STXBP3: variants seen among roughly 807,000 people sequenced by gnomAD.
STXBP3 encodes the protein syntaxin binding protein 3.
STXBP3 carries 41 observed loss-of-function variants against 85.7 expected under a neutral mutation model. That is an observed-to-expected ratio of 0.48 (90% CI 0.37 to 0.62). The LOEUF is 0.62. Ranked by LOEUF, STXBP3 falls within the 20% of genes least tolerant of loss-of-function variation. STXBP3 has a pLI of 0.00. For synonymous variants in STXBP3, 229 were observed against 231.7 expected, an observed-to-expected ratio of 0.99 and a Z score of 0.10; for missense variants, 563 against 703.1, an observed-to-expected ratio of 0.80 and a Z score of 2.25.
intron 13 of STXBP3, among the ~76,000 whole-genome samples, chr1:108,795,389 G>T (rs979946995): frequency 1.3e-5 from 2 of 151,958 alleles, no homozygotes; most frequent in Admixed American, 6.6e-5. Context: ...TAAGTTGGGT[G>T]CAGTGGTGTG....
At chr1:108,758,413 T>A in intron 4 of STXBP3, 97 bp from the exon 5 acceptor site, 1 of 599,702 alleles carries the variant, frequency 1.7e-6, no homozygotes, top group Non-Finnish European at 2.6e-6. Flanking sequence ...AAAGTTTTAT[T>A]TTGTCACTGA....
intron 6 of STXBP3, among the ~76,000 whole-genome samples, chr1:108,765,722 C>G (rs770323990): frequency 2.6e-5 from 4 of 151,776 alleles, no homozygotes; most frequent in Non-Finnish European, 5.9e-5. Flanking sequence ...AGACACGTAC[C>G]CCCACGCGGG....
At chr1:108,799,173 A>T (rs565338611) in intron 16 of STXBP3, among the ~76,000 whole-genome samples, 1 of 152,316 alleles carries the variant, frequency 6.6e-6, no homozygotes, top group South Asian at 2.1e-4. Context: ...GGTACAGTGC[A>T]TAACTATGAT....
chr1:108,783,365 T>C (rs1192157737), intron 11 of STXBP3, among the ~76,000 whole-genome samples: 1 of 152,176 alleles, frequency 6.6e-6, no homozygotes, highest in African/African-American at 2.4e-5. Context: ...TCCAGAATAT[T>C]CCCTCTTGTC....
intron 6 of STXBP3, among the ~76,000 whole-genome samples, chr1:108,762,191 A>T (rs1268246392): frequency 6.6e-6 from 1 of 152,218 alleles, no homozygotes; most frequent in Non-Finnish European, 1.5e-5. Flanking sequence ...GATGAGCAAG[A>T]TATATGTCCT....
intron 5 of STXBP3, 45 bp downstream of exon 5, chr1:108,758,633 T>C (rs1662068360): frequency 8.6e-7 from 1 of 1,164,782 alleles, no homozygotes; most frequent in Admixed American, 2.5e-5. Flanking sequence ...AAAATGCCAT[T>C]GGTTTTAAAC....
chr1:108,790,022 C>T (rs1662943430), intron 11 of STXBP3, among the ~76,000 whole-genome samples: 1 of 150,024 alleles, frequency 6.7e-6, no homozygotes, highest in Non-Finnish European at 1.5e-5. Flanking sequence ...TGATTTCTGA[C>T]CTAGCATATA....
chr1:108,805,846 G>A (rs544281536), intron 17 of STXBP3, among the ~76,000 whole-genome samples: 18 of 152,248 alleles, frequency 1.2e-4, no homozygotes, highest in African/African-American at 4.1e-4. Context: ...AGTGCCCTGT[G>A]ATGATGCTGG....
Position 108,772,833 on chromosome 1 carries a change from C to A in STXBP3, c.593+14C>A. 1 of 1,568,592 alleles carries A rather than the reference C, an allele frequency of 6.4e-7. No individual in the cohort carries two copies. Among genetic ancestry groups the A allele is most frequent in the East Asian group, 2.4e-5 (1 of 41,804 alleles). On this transcript the variant is annotated intron_variant, in intron 7 of 18. Transcript: ENST00000370008. ...AAGATATAAAAGGTAAGACACTGAGCATCTGCACATGTTATGCTTCCTATT... is the reference window on the plus strand; with the variant it reads ...AAGATATAAAAGGTAAGACACTGAGAATCTGCACATGTTATGCTTCCTATT...
chr1:108,766,851 T>C, intron 6 of STXBP3: 2 of 431,102 alleles, frequency 4.6e-6, no homozygotes, highest in South Asian at 4.1e-5. Flanking sequence ...TAAGAGGGCA[T>C]ACTGACTTTG....
intron 17 of STXBP3, among the ~76,000 whole-genome samples, chr1:108,805,348 G>A (rs996977077): frequency 7.4e-5 from 11 of 149,474 alleles, no homozygotes; most frequent in African/African-American, 2.7e-4. Context: ...TTTAAAATTT[G>A]TTTCCTGTTG....
intron 18 of STXBP3, among the ~76,000 whole-genome samples, 159 bp from the exon 19 acceptor site, chr1:108,808,624 T>C (rs1557818320): frequency 6.6e-6 from 1 of 152,268 alleles, no homozygotes; most frequent in Non-Finnish European, 1.5e-5. Context: ...GATTGAAATA[T>C]TGCAGCATAG....
chr1:108,777,391 C>A (rs1662612911), intron 8 of STXBP3, among the ~76,000 whole-genome samples: 1 of 151,910 alleles, frequency 6.6e-6, no homozygotes, highest in Non-Finnish European at 1.5e-5. Flanking sequence ...CAGGTAGAGG[C>A]AATAGAGAAA....
chr1:108,776,258 A>C, intron 7 of STXBP3, 75 bp from the exon 8 acceptor site: 1 of 948,362 alleles, frequency 1.1e-6, no homozygotes, highest in Non-Finnish European at 1.5e-6. Flanking sequence ...GTTTAATTTT[A>C]GAATTAAACT....
chr1:108,756,665 A>C, intron 3 of STXBP3, 25 bp from the exon 4 acceptor site: 1 of 1,443,274 alleles, frequency 6.9e-7, no homozygotes, highest in Non-Finnish European at 9.3e-7. Context: ...ATTTGGTTAT[A>C]TAAAATGACC....
intron 11 of STXBP3, 68 bp from the exon 12 acceptor site, chr1:108,793,514 A>T (rs774809816): frequency 2.2e-6 from 3 of 1,342,242 alleles, no homozygotes; most frequent in South Asian, 1.3e-5. Flanking sequence ...AAACTCTAGG[A>T]TTTCAAAGTT....
chr1:108,804,782 C>G (rs549020514), intron 17 of STXBP3, among the ~76,000 whole-genome samples: 7 of 152,338 alleles, frequency 4.6e-5, no homozygotes, highest in African/African-American at 1.7e-4. Context: ...CCTTGCATCT[C>G]CCCTTGCCTT....
chr1:108,761,558 C>T (rs1319563539), intron 6 of STXBP3, among the ~76,000 whole-genome samples: 1 of 152,116 alleles, frequency 6.6e-6, no homozygotes, highest in Non-Finnish European at 1.5e-5. Context: ...AGAGAATGCT[C>T]TTGAGAAGTT....
intron 1 of STXBP3, among the ~76,000 whole-genome samples, chr1:108,747,564 C>A (rs1231318466): frequency 6.6e-6 from 1 of 152,176 alleles, no homozygotes; most frequent in Non-Finnish European, 1.5e-5. Flanking sequence ...AAGAATGAAA[C>A]CACCCAACAG....
Sources: gnomAD v4.1 joint callset for allele counts (sites outside exome capture counted in the v4.1 genomes callset) on GRCh38, gnomAD v4.1.1 for gene constraint, MANE v1.5 for transcripts, NCBI Gene and HGNC (gene_info 2026-07-23, HGNC 2026-07-21) for gene names.